Variants in EFCAB11 observed in about 807,000 individuals in gnomAD.
EFCAB11 encodes EF-hand calcium-binding domain-containing protein 11.
EFCAB11 carries 14 observed loss-of-function variants against 23.0 expected under a neutral mutation model. The ratio of observed to expected loss-of-function variants is 0.61; its 90% confidence interval spans 0.40 to 0.95. EFCAB11 has a LOEUF of 0.95. Among genes scored for constraint, EFCAB11 ranks in the 40% least tolerant of loss-of-function variants. The pLI is 0.00. For synonymous variants in EFCAB11, 65 were observed against 66.6 expected (o/e 0.98, Z 0.11); for missense variants, 198 against 195.8 (o/e 1.01, Z -0.07).
Position 89,864,694 on chromosome 14 carries a change from C to T in EFCAB11, c.410+66847G>A, listed in dbSNP as rs551363978. 2.6e-5 allele frequency among the ~76,000 whole-genome samples: 4 copies of T among 152,296 alleles called. No homozygotes were observed. In the East Asian group the frequency reaches 7.7e-4, roughly 29 times the overall value. Reference sequence around the variant, plus strand: ...CCTCAAGTGATCTGCCTGCCTTGGCCTCCCAAAGTGCTGGGATTACAGGCG... The same window carrying T: ...CCTCAAGTGATCTGCCTGCCTTGGCTTCCCAAAGTGCTGGGATTACAGGCG... On this transcript the variant is annotated intron_variant, in intron 5 of 5. Transcript: ENST00000316738.
At chr14:89,849,103 GT>G (rs1887519058) in intron 5 of EFCAB11, among the ~76,000 whole-genome samples, 1 of 152,158 alleles carries the variant, frequency 6.6e-6, no homozygotes, top group African/African-American at 2.4e-5. Context: ...TAGTTCCAAT[GT>G]TTTAATCTTG....
intron 5 of EFCAB11, among the ~76,000 whole-genome samples, chr14:89,929,926 T>C (rs1264701236): frequency 6.6e-6 from 1 of 152,176 alleles, no homozygotes; most frequent in East Asian, 1.9e-4. Flanking sequence ...ACTAAAACCA[T>C]TTAACACATA....
chr14:89,899,251 A>C (rs1197961056), intron 5 of EFCAB11, among the ~76,000 whole-genome samples: 2 of 152,230 alleles, frequency 1.3e-5, no homozygotes, highest in African/African-American at 4.8e-5. Context: ...TTAATTCTAT[A>C]ATGTAAAATA....
chr14:89,870,384 G>C (rs189958473), intron 5 of EFCAB11, among the ~76,000 whole-genome samples: 2 of 152,168 alleles, frequency 1.3e-5, no homozygotes, highest in Admixed American at 1.3e-4. Flanking sequence ...ATTCTTGTTT[G>C]ATATTACAGG....
intron 5 of EFCAB11, chr14:89,836,502 C>T (rs190635653): frequency 1.1e-4 from 48 of 452,180 alleles, no homozygotes; most frequent in South Asian, 4.5e-4. Flanking sequence ...ATGTTGGGGG[C>T]GGTGTGTCCA....
Position 89,954,717 on chromosome 14 carries a change from C to G in EFCAB11, c.-57G>C. On this transcript the variant is annotated 5_prime_UTR_variant, in exon 1 of 6. Transcript: ENST00000316738. ...AACCAGCTACCACCGCTTTCCCAGC[C>G]TGGCTGGCAGCCTACCGCGGCCACG... is the stretch of plus-strand genomic sequence containing the variant. 1.1e-5 allele frequency: 17 copies of G among 1,578,616 alleles called. No individual in the cohort carries two copies. The highest frequency in any genetic ancestry group is 1.5e-5 in the Non-Finnish European group (17 of 1,165,614).
chr14:89,859,459 A>G (rs931281573), intron 5 of EFCAB11, among the ~76,000 whole-genome samples: 7 of 152,182 alleles, frequency 4.6e-5, no homozygotes, highest in African/African-American at 1.7e-4. Flanking sequence ...CATGAGCATG[A>G]CCTGTGGCGG....
At chr14:89,802,066 T>G (rs1044341343) in intron 5 of EFCAB11, among the ~76,000 whole-genome samples, 19 of 152,134 alleles carry the variant, frequency 1.2e-4, no homozygotes, top group Admixed American at 1.2e-3. Context: ...AATGTTGACA[T>G]CATAACAATT....
In EFCAB11 at chr14:89,835,585, CGTGTGTGTGTGTGTGTGTGTGTGT is replaced by C. The variant is rs67831579; in HGVS notation, c.411-38285_411-38262del. Among the ~76,000 whole-genome samples the C allele has an allele frequency of 1.2e-3, 114 of 93,396 alleles. 1 individual carries two copies. Among genetic ancestry groups the C allele is most frequent in the African/African-American group, 4.9e-3 (108 of 21,852 alleles). 61.3% of individuals were successfully genotyped at this position (93,396 alleles called of 152,430 possible). A position where few individuals can be genotyped will look rare whatever the true frequency, so the allele number is the denominator to read the frequency against. ...TGGATTTCAGATTAGGGATGCTCAA[CGTGTGTGTGTGTGTGTGTGTGTGT>C]GTGTGTGTGTGTGTGTGTGTGTGTG... On this transcript the variant is annotated intron_variant, in intron 5 of 5. Coordinates refer to ENST00000316738, the MANE Select transcript of EFCAB11 (RefSeq NM_145231.4).
chr14:89,804,251 ACACTCCAGCT>A (rs1885890457), intron 5 of EFCAB11, among the ~76,000 whole-genome samples: 1 of 152,204 alleles, frequency 6.6e-6, no homozygotes, highest in Non-Finnish European at 1.5e-5. Context: ...TGACCAGTTT[ACACTCCAGCT>A]CACTCTGCTG....
chr14:89,867,828 T>G (rs1252610084), intron 5 of EFCAB11, among the ~76,000 whole-genome samples: 1 of 152,154 alleles, frequency 6.6e-6, no homozygotes, highest in Non-Finnish European at 1.5e-5. Context: ...AGCTGGCGAC[T>G]GTGGAGGACA....
chr14:89,909,607 C>G (rs1889605697), intron 5 of EFCAB11, among the ~76,000 whole-genome samples: 1 of 151,164 alleles, frequency 6.6e-6, no homozygotes, highest in Non-Finnish European at 1.5e-5. Context: ...CAAAAAATGT[C>G]TGATCACCTC....
At position 89,944,573 on chromosome 14, in the gene EFCAB11, T is replaced by C. The variant is rs114247234; in HGVS notation, c.217+5524A>G. On this transcript the variant is annotated intron_variant, in intron 3 of 5. Coordinates refer to ENST00000316738, the MANE Select transcript of EFCAB11 (RefSeq NM_145231.4). ...ATGCAAAGAATGTGGGAAATCCTTTTGCCAGAAAACAAAACTCTCTGTAGA... is the reference window on the plus strand; with the variant it reads ...ATGCAAAGAATGTGGGAAATCCTTTCGCCAGAAAACAAAACTCTCTGTAGA... Among the ~76,000 whole-genome samples the C allele has an allele frequency of 2.4e-3, 364 of 152,288 alleles. 1 individual carries two copies. Among genetic ancestry groups the C allele is most frequent in the African/African-American group, 8.1e-3 (335 of 41,542 alleles).
In EFCAB11 at chr14:89,940,411, AT is replaced by A. The variant is rs1890750124; in HGVS notation, c.218-7785del. The stretch of plus-strand genomic sequence containing the variant: ...AAAAAGGATATTTAAATTTAGAAAA[AT>A]AATACCTTTAATAGTCAACTGTCTT... On this transcript the variant is annotated intron_variant, in intron 3 of 5. Transcript: ENST00000316738. Among the ~76,000 whole-genome samples the A allele has an allele frequency of 2.6e-5, 4 of 152,342 alleles. No individual in the cohort carries two copies. In the South Asian group the frequency reaches 6.2e-4, roughly 24 times the overall value.
intron 5 of EFCAB11, among the ~76,000 whole-genome samples, chr14:89,825,597 G>A (rs1183592574): frequency 6.6e-6 from 1 of 152,036 alleles, no homozygotes; most frequent in African/African-American, 2.4e-5. Context: ...TGGGGGAGGG[G>A]AGAAGAAAAC....
intron 5 of EFCAB11, chr14:89,924,066 C>A (rs1890110408): frequency 1.0e-6 from 1 of 985,422 alleles, no homozygotes; most frequent in African/African-American, 1.7e-5. Flanking sequence ...TATAATTTTT[C>A]TGCCAAGGGA....
rs188972733 is a variant in EFCAB11 at position 89,832,816 on chromosome 14, A to C, written c.411-35492T>G. ...AAACAGAAAGGCTGTGTGGGTACTC[A>C]AAGTACGGTTTCTACTCAACGCCTA... is the stretch of plus-strand genomic sequence containing the variant. On this transcript the variant is annotated intron_variant, in intron 5 of 5. Coordinates refer to ENST00000316738, the MANE Select transcript of EFCAB11 (RefSeq NM_145231.4). 2.6e-5 allele frequency among the ~76,000 whole-genome samples: 4 copies of C among 152,296 alleles called. No individual in the cohort carries two copies. The East Asian group carries it at 7.7e-4, about 29-fold the overall frequency.
chr14:89,931,371 G>C (rs1047421703), intron 5 of EFCAB11, 170 bp downstream of exon 5: 2 of 620,716 alleles, frequency 3.2e-6, no homozygotes, highest in Non-Finnish European at 5.5e-6. Flanking sequence ...GGCATGGAAG[G>C]ACCCATAGCT....
intron 3 of EFCAB11, among the ~76,000 whole-genome samples, chr14:89,944,430 C>A (rs1341155233): frequency 6.6e-6 from 1 of 152,094 alleles, no homozygotes; most frequent in Non-Finnish European, 1.5e-5. Flanking sequence ...GGGGACACAG[C>A]CAATCCATAT....
Sources: gnomAD v4.1 joint callset for allele counts (sites outside exome capture counted in the v4.1 genomes callset) on GRCh38, gnomAD v4.1.1 for gene constraint, MANE v1.5 for transcripts, NCBI Gene and HGNC (gene_info 2026-07-23, HGNC 2026-07-21) for gene names.